SZT2: variants seen among roughly 807,000 people sequenced by gnomAD.
The protein encoded by SZT2 is SZT2 subunit of KICSTOR complex.
In SZT2, 216 loss-of-function variants were observed where a neutral mutation model predicts 404.2. The ratio of observed to expected loss-of-function variants is 0.53; its 90% CI spans 0.48 to 0.60. The LOEUF (loss-of-function observed/expected upper bound fraction) is 0.60. SZT2 is among the 20% of genes least tolerant of loss of function. The pLI is 0.00. For synonymous variants in SZT2, 1,693 were observed against 1,749.9 expected, an observed-to-expected ratio of 0.97 and a Z score of 0.81; for missense variants, 3,857 against 4,459.2, an observed-to-expected ratio of 0.86 and a Z score of 3.85.
At position 43,448,861 on chromosome 1, in the gene SZT2, A is replaced by G. The variant is rs1656026598; in HGVS notation, c.10086+133A>G. On this transcript the variant is annotated intron_variant, in intron 70 of 71. Transcript: ENST00000634258. This position sits in a 1 kb window ranked among gnomAD's most constrained non-coding sequence, Gnocchi z 4.2. ...AGACAGAACGGGACTACACAGATAC[A>G]TGTAAAACCCTTCCAGTACCGGGCA... 1.2e-6 allele frequency: 1 copy of G among 802,020 alleles called. No homozygotes were observed. Among genetic ancestry groups the G allele is most frequent in the Non-Finnish European group, 2.1e-6 (1 of 470,734 alleles). The allele number at this position is 802,020 out of a possible 1,614,324, so 49.7% of individuals were successfully genotyped here.
Position 43,423,638 on chromosome 1 carries a change from A to T in SZT2, c.2255+322A>T, listed in dbSNP as rs185105094. On this transcript the variant is annotated intron_variant, in intron 15 of 71. Coordinates refer to ENST00000634258, the MANE Select transcript of SZT2 (RefSeq NM_001365999.1). Reference sequence around the variant, plus strand: ...GGAGGGCATGGCTTAGCCCGGTGTGAGTAGTATAGAGGTGTGGAAGGGTCT... The same window carrying T: ...GGAGGGCATGGCTTAGCCCGGTGTGTGTAGTATAGAGGTGTGGAAGGGTCT... 1.7e-3 allele frequency among the ~76,000 whole-genome samples: 218 copies of T among 128,138 alleles called. 1 individual carries two copies. The highest frequency in any genetic ancestry group is 6.4e-3 in the African/African-American group (208 of 32,346). The allele number at this position is 128,138 out of a possible 152,430, so 84.1% of individuals were successfully genotyped here.
chr1:43,443,825 C>T (rs751774272), intron 62 of SZT2, 29 bp downstream of exon 62: 2 of 1,611,816 alleles, frequency 1.2e-6, no homozygotes, highest in Non-Finnish European at 1.7e-6. Flanking sequence ...TCCCTTCTGT[C>T]TTCTCCTCCT....
rs1283503611 is a variant in SZT2, at chr1:43,447,940, G to A, written c.9532G>A (p.Glu3178Lys). Reference protein sequence around the residue: ...LVCHCAAPFEEQGEAERHVLR... With the variant: ...LVCHCAAPFEKQGEAERHVLR... The stretch of plus-strand genomic sequence containing the variant: ...CTGTCACTGTGCTGCACCCTTTGAG[G>A]AGCAAGGAGAGGCTGAGCGGCACGT... The change falls in exon 68 of 72, where the codon GAG becomes AAG. Residue 3178 changes from glutamate (E) to lysine (K), a missense_variant. Physicochemically the swap from Glu to Lys is moderately conservative, Grantham distance 56. Transcript: ENST00000634258. The A allele has an allele frequency of 6.2e-7, 1 of 1,614,008 alleles. No homozygotes were observed. Among genetic ancestry groups the A allele is most frequent in the Non-Finnish European group, 8.5e-7 (1 of 1,180,010 alleles).
chr1:43,397,615 C>T (rs546639686), intron 1 of SZT2, among the ~76,000 whole-genome samples: 1 of 151,638 alleles, frequency 6.6e-6, no homozygotes, highest in South Asian at 2.1e-4. Context: ...GCAGCCTCCA[C>T]CTCCTGGGTT....
At position 43,420,646 on chromosome 1, in the gene SZT2, C is replaced by T. The variant is rs1652239958; in HGVS notation, c.1262-103C>T. ...GTGGAACCATGCTTGGAACCTTTGG[C>T]AGGACTGGGTTCCATGAGGTAGGTG... On this transcript the variant is annotated intron_variant, in intron 9 of 71. Transcript: ENST00000634258. The surrounding 1 kb of genome is among the most constrained non-coding windows in gnomAD (Gnocchi z 5.1). 1.4e-5 allele frequency: 16 copies of T among 1,150,492 alleles called. No homozygotes were observed. The highest frequency in any genetic ancestry group is 1.8e-5 in the Non-Finnish European group (15 of 817,718). 71.3% of individuals were successfully genotyped at this position (1,150,492 alleles called of 1,614,324 possible).
intron 4 of SZT2, chr1:43,410,656 C>T (rs1650926821): frequency 6.6e-6 from 1 of 151,116 alleles, no homozygotes; most frequent in Admixed American, 6.6e-5. Flanking sequence ...CTGGACTGGG[C>T]AAAGATTTCT....
intron 1 of SZT2, among the ~76,000 whole-genome samples, chr1:43,401,850 C>T (rs539715420): frequency 1.3e-5 from 2 of 152,234 alleles, no homozygotes; most frequent in Admixed American, 1.3e-4. Context: ...GTGAGTTCCT[C>T]CTTCTTGCCT....
At position 43,440,210 on chromosome 1, in the gene SZT2, C is replaced by T. The variant is rs192367313; in HGVS notation, c.7210+162C>T. ...GTTGTCCGTGAGCTTGTCTGGGCAT[C>T]ATCCAGGTGCTACACTGGCAGCAGT... On this transcript the variant is annotated intron_variant, in intron 51 of 71. Coordinates refer to ENST00000634258, the MANE Select transcript of SZT2 (RefSeq NM_001365999.1). Among the ~76,000 whole-genome samples, 124 of 152,328 alleles carry T rather than the reference C, an allele frequency of 8.1e-4. 1 individual carries two copies. Among genetic ancestry groups the T allele is most frequent in the African/African-American group, 2.3e-3 (96 of 41,574 alleles).
In SZT2 at chr1:43,442,285, C is replaced by T. The variant is rs1570717197; in HGVS notation, c.7891C>T (p.Arg2631Cys). 1.9e-6 allele frequency: 3 copies of T among 1,613,706 alleles called. No individual in the cohort carries two copies. Among genetic ancestry groups the T allele is most frequent in the Non-Finnish European group, 2.5e-6 (3 of 1,179,804 alleles). The stretch of plus-strand genomic sequence containing the variant: ...CCCTGTAGCTGCCAAAGCCATGCAG[C>T]GCTTCGAGCCAGGAGGTGATGGGAG... ...PTQQAAKAMQRFEPGGDGSSG... is the reference protein window; with the variant it reads ...PTQQAAKAMQCFEPGGDGSSG... The change falls in exon 57 of 72, where the codon CGC becomes TGC. Residue 2631 changes from arginine to cysteine, a missense_variant. This residue lies in a region of SZT2 where 573 missense variants were observed against 592.4 expected (regional missense o/e 0.97). Transcript: ENST00000634258. This position sits in a 1 kb window ranked among gnomAD's most constrained non-coding sequence, Gnocchi z 4.5.
chr1:43,394,839 A>G (rs1648803974), intron 1 of SZT2, among the ~76,000 whole-genome samples: 1 of 151,830 alleles, frequency 6.6e-6, no homozygotes, highest in African/African-American at 2.4e-5. Flanking sequence ...AGATGGTGCC[A>G]TTGCACTGTA....
chr1:43,440,526 C>T lies in SZT2; in HGVS notation c.7284C>T (p.Val2428=). The T allele has an allele frequency of 6.2e-7, 1 of 1,608,542 alleles. No homozygotes were observed. Among genetic ancestry groups the T allele is most frequent in the Non-Finnish European group, 8.5e-7 (1 of 1,177,520 alleles). The change falls in exon 52 of 72, where the codon GTC becomes GTT. Residue 2428 remains valine (V), a synonymous_variant. Transcript: ENST00000634258. ...GRASTFPPAP[V]PGEPVTPPSK... Reference sequence around the variant, plus strand: ...CTAGCACCTTTCCCCCTGCCCCTGTCCCTGGGGAGCCTGTGACTCCACCCA... The same window carrying T: ...CTAGCACCTTTCCCCCTGCCCCTGTTCCTGGGGAGCCTGTGACTCCACCCA...
At chr1:43,404,323 T>C in intron 3 of SZT2, 57 bp from the exon 4 acceptor site, 1 of 1,493,416 alleles carries the variant, frequency 6.7e-7, no homozygotes, top group Non-Finnish European at 9.2e-7. Flanking sequence ...TGCATGTTTC[T>C]GCCCTCTGGT....
At chr1:43,418,886 A>G (rs1245179848) in intron 7 of SZT2, among the ~76,000 whole-genome samples, 1 of 152,218 alleles carries the variant, frequency 6.6e-6, no homozygotes, top group South Asian at 2.1e-4. Flanking sequence ...ATAGTGTTGT[A>G]TGTAATCAGT....
At position 43,421,576 on chromosome 1, in the gene SZT2, G is replaced by A. The variant is rs560792622; in HGVS notation, c.1626+273G>A. On this transcript the variant is annotated intron_variant, in intron 11 of 71. Transcript: ENST00000634258. Reference sequence around the variant, plus strand: ...GGTGGTATCCCAGTCCCAGCAGACCGTGAGCCCTTGCCCCATCTCCACGTG... The same window carrying A: ...GGTGGTATCCCAGTCCCAGCAGACCATGAGCCCTTGCCCCATCTCCACGTG... Among the ~76,000 whole-genome samples, 12 of 152,340 alleles carry A rather than the reference G, an allele frequency of 7.9e-5. No homozygotes were observed. The East Asian group carries it at 1.7e-3, about 22-fold the overall frequency.
chr1:43,391,725 C>T (rs908207702), intron 1 of SZT2, among the ~76,000 whole-genome samples: 1 of 152,004 alleles, frequency 6.6e-6, no homozygotes, highest in Non-Finnish European at 1.5e-5. Flanking sequence ...AGGACAACAC[C>T]GTCCTGTAGA....
chr1:43,391,314 CAAA>C (rs1362276058), intron 1 of SZT2, among the ~76,000 whole-genome samples: 1 of 125,978 alleles, frequency 7.9e-6, no homozygotes. Flanking sequence ...AACTCCGTCT[CAAA>C]AAAAAAAAAA....
intron 1 of SZT2, among the ~76,000 whole-genome samples, chr1:43,391,478 T>A (rs1648306037): frequency 6.6e-6 from 1 of 152,196 alleles, no homozygotes; most frequent in African/African-American, 2.4e-5. Flanking sequence ...TGGGATTTGG[T>A]GTGGTAAGAC....
chr1:43,404,186 A>G (rs1650019159), intron 3 of SZT2, 194 bp from the exon 4 acceptor site: 1 of 583,724 alleles, frequency 1.7e-6, no homozygotes, highest in Admixed American at 3.1e-5. Flanking sequence ...TAGCGTGGGC[A>G]ACAAAGCAAG....
Position 43,424,279 on chromosome 1 carries a change from C to T in SZT2, c.2318C>T (p.Pro773Leu). The change falls in exon 16 of 72, where the codon CCA becomes CTA. Residue 773 changes from proline (P) to leucine (L), a missense_variant. Coordinates refer to ENST00000634258, the MANE Select transcript of SZT2 (RefSeq NM_001365999.1). This position sits in a 1 kb window ranked among gnomAD's most constrained non-coding sequence, Gnocchi z 4.1. ...TTGCTGACATTGGAGCCACCAGGTC[C>T]ACTGCCCTTGGTGTCAGGCCGCTCA... ...PFLLTLEPPG[P>L]LPLVSGRSAS... The T allele has an allele frequency of 6.3e-7, 1 of 1,597,996 alleles. No individual in the cohort carries two copies. Among genetic ancestry groups the T allele is most frequent in the Non-Finnish European group, 8.5e-7 (1 of 1,179,562 alleles).
Sources: allele counts gnomAD v4.1 joint callset (sites outside exome capture counted in the v4.1 genomes callset), GRCh38; gene constraint gnomAD v4.1.1; regional missense constraint gnomAD v4.1.1; non-coding constraint Gnocchi (gnomAD v3.1); transcripts MANE v1.5; gene names NCBI Gene and HGNC (gene_info 2026-07-23, HGNC 2026-07-21).